CYP4F8: variants seen among roughly 807,000 people sequenced by gnomAD.
The protein encoded by CYP4F8 is cytochrome P450 4F8.
In CYP4F8, 56 loss-of-function variants were observed where a neutral mutation model predicts 55.0. That is an observed-to-expected ratio of 1.02 (90% confidence interval 0.82 to 1.27). CYP4F8 has a LOEUF of 1.27. Ranked by LOEUF, CYP4F8 falls within the 50% of genes most tolerant of loss-of-function variation. The pLI is 0.00. For missense variants in CYP4F8, 680 were observed against 682.4 expected, an observed-to-expected ratio of 1.00 and a Z score of 0.04; for synonymous variants, 288 against 267.3, an observed-to-expected ratio of 1.08 and a Z score of -0.76.
chr19:15,625,712 T>C (rs911200887), intron 9 of CYP4F8, among the ~76,000 whole-genome samples: 18 of 152,204 alleles, frequency 1.2e-4, no homozygotes, highest in Admixed American at 8.5e-4. Context: ...CTTTTGAAAA[T>C]GTTAATTAAT....
Position 15,623,099 on chromosome 19 carries a change from C to G in CYP4F8, c.648-6C>G. ...GCTGCTTCCTCTCTCTGGACTGGCC[C>G]TGCAGGAAGCCCAGTGAATATATTA... is the stretch of plus-strand genomic sequence containing the variant. On this transcript the variant is annotated splice_region_variant and splice_polypyrimidine_tract_variant and intron_variant, in intron 6 of 12. Coordinates refer to ENST00000612078, the MANE Select transcript of CYP4F8 (RefSeq NM_007253.4). 6.2e-7 allele frequency: 1 copy of G among 1,612,034 alleles called. No homozygotes were observed.
chr19:15,623,585 T>A, intron 7 of CYP4F8, 114 bp from the exon 8 acceptor site: 2 of 1,310,446 alleles, frequency 1.5e-6, no homozygotes, highest in Non-Finnish European at 2.1e-6. Context: ...CATGTGGGGG[T>A]AGATCTGGAG....
rs1972165105 is a variant in CYP4F8, at chr19:15,619,476, C to T, written c.344-14C>T. 6 of 1,614,050 alleles carry T rather than the reference C, an allele frequency of 3.7e-6. No individual in the cohort carries two copies. The highest frequency in any genetic ancestry group is 4.2e-6 in the Non-Finnish European group (5 of 1,179,934). ...TTCCTCTCCATGGACCCTGATGGTCCTCATTCATGTCAGATGCCATTACAG... is the reference window on the plus strand; with the variant it reads ...TTCCTCTCCATGGACCCTGATGGTCTTCATTCATGTCAGATGCCATTACAG... On this transcript the variant is annotated splice_polypyrimidine_tract_variant and intron_variant, in intron 3 of 12. Transcript: ENST00000612078.
Position 15,622,384 on chromosome 19 carries a change from GT to G in CYP4F8, c.647+45del, listed in dbSNP as rs773685012. 342 of 1,590,222 alleles carry G rather than the reference GT, an allele frequency of 2.2e-4. 67 individuals are homozygous for G. Among genetic ancestry groups the G allele is most frequent in the Middle Eastern group, 4.5e-4 (2 of 4,476 alleles). On this transcript the variant is annotated intron_variant, in intron 6 of 12. Coordinates refer to ENST00000612078, the MANE Select transcript of CYP4F8 (RefSeq NM_007253.4). Reference sequence around the variant, plus strand: ...CCTGGGAACATGGGATGGAGTGGGGGTGTGGGTGTGGGGAGAGCAAAGCCCA... The same window carrying G: ...CCTGGGAACATGGGATGGAGTGGGGGGTGGGTGTGGGGAGAGCAAAGCCCA...
chr19:15,617,864 A>T, intron 2 of CYP4F8, 136 bp from the exon 3 acceptor site: 1 of 1,076,534 alleles, frequency 9.3e-7, no homozygotes, highest in African/African-American at 1.6e-5. Flanking sequence ...CTCCTTCCTC[A>T]GTTTTCCTTC....
rs1387059674 is a variant in CYP4F8 at position 15,618,038 on chromosome 19, G to A, written c.237G>A (p.Gln79=). 6.2e-7 allele frequency: 1 copy of A among 1,614,000 alleles called. No homozygotes were observed. Among genetic ancestry groups the A allele is most frequent in the Non-Finnish European group, 8.5e-7 (1 of 1,179,976 alleles). The stretch of plus-strand genomic sequence containing the variant: ...AGGAGGGCTTGAGGGTCCTGACCCA[G>A]CTGGTGGCCACCTACCCCCAGGGCT... ...PTEEGLRVLT[Q]LVATYPQGFV... is the part of the protein sequence containing the mutation. Residue 79 remains glutamine (Q), a synonymous_variant, in exon 3 of 13, where the codon CAG becomes CAA. Coordinates refer to ENST00000612078, the MANE Select transcript of CYP4F8 (RefSeq NM_007253.4).
At chr19:15,622,581 C>T (rs1972208782) in intron 6 of CYP4F8, among the ~76,000 whole-genome samples, 1 of 152,014 alleles carries the variant, frequency 6.6e-6, no homozygotes, top group Admixed American at 6.6e-5. Flanking sequence ...GTGCAACAGG[C>T]AGTTGGGAGA....
intron 8 of CYP4F8, 85 bp downstream of exon 8, chr19:15,623,850 T>A: frequency 6.3e-7 from 1 of 1,598,666 alleles, no homozygotes; most frequent in Non-Finnish European, 8.5e-7. Flanking sequence ...ATCACTTCAT[T>A]CTGCCCAACC....
chr19:15,618,051 T>C lies in CYP4F8; in HGVS notation c.250T>C (p.Tyr84His). 6.2e-7 allele frequency: 1 copy of C among 1,614,142 alleles called. No homozygotes were observed. The highest frequency in any genetic ancestry group is 8.5e-7 in the Non-Finnish European group (1 of 1,179,992). ...LRVLTQLVAT[Y>H]PQGFVRWLGP... is the part of the protein sequence containing the mutation. ...GGTCCTGACCCAGCTGGTGGCCACC[T>C]ACCCCCAGGGCTTTGTGAGGTGGTT... The change falls in exon 3 of 13, where the codon TAC (tyrosine) becomes CAC (histidine). Residue 84 changes from tyrosine (Y) to histidine (H), a missense_variant. Transcript: ENST00000612078.
rs2056822 is a variant in CYP4F8, at chr19:15,628,787, A to C, written c.1341A>C (p.Pro447=). 1,181,128 of 1,608,886 alleles carry C rather than the reference A, an allele frequency of 0.73. 434,608 individuals are homozygous for C. The highest frequency in any genetic ancestry group is 0.79 in the Admixed American group (46,332 of 58,922). ...PEVYDPFRFD[P]ENAQKRSPMA... ...TCTATGACCCCTTCCGCTTCGACCC[A>C]GAAAACGCCCAGAAGAGGTCACCTA... Residue 447 remains proline, a synonymous_variant, in exon 12 of 13, where the codon CCA becomes CCC. Coordinates refer to ENST00000612078, the MANE Select transcript of CYP4F8 (RefSeq NM_007253.4).
intron 2 of CYP4F8, among the ~76,000 whole-genome samples, 168 bp from the exon 3 acceptor site, chr19:15,617,832 C>A (rs182137317): frequency 6.6e-6 from 1 of 152,334 alleles, no homozygotes; most frequent in East Asian, 1.9e-4. Flanking sequence ...ATGATGCCCA[C>A]ACAGACTGGG....
chr19:15,629,716 A>G lies in CYP4F8; in HGVS notation c.*358A>G, dbSNP rs1972312143. Reference sequence around the variant, plus strand: ...AGCTAGGTGCATAGCAGCCTGAAATACAGATCACATTTGAAAGCCTTTCTT... The same window carrying G: ...AGCTAGGTGCATAGCAGCCTGAAATGCAGATCACATTTGAAAGCCTTTCTT... On this transcript the variant is annotated 3_prime_UTR_variant, in exon 13 of 13. Coordinates refer to ENST00000612078, the MANE Select transcript of CYP4F8 (RefSeq NM_007253.4). The G allele has an allele frequency of 5.1e-6, 1 of 197,934 alleles. No individual in the cohort carries two copies. Among genetic ancestry groups the G allele is most frequent in the Non-Finnish European group, 1.0e-5 (1 of 97,412 alleles). The allele number at this position is 197,934 out of a possible 1,614,324, so 12.3% of individuals were successfully genotyped here.
chr19:15,618,680 C>T (rs935796299), intron 3 of CYP4F8: 2 of 254,630 alleles, frequency 7.9e-6, no homozygotes, highest in Non-Finnish European at 1.5e-5. Context: ...TGTCCTTCTG[C>T]AGGCCCAGAG....
At position 15,619,668 on chromosome 19, in the gene CYP4F8, G is replaced by A. The variant is rs1972168280; in HGVS notation, c.431G>A (p.Trp144Ter). ...DGLLLSVGDK[W>*]RHHRRLLTPA... ...CTCTTGTTAAGTGTTGGTGACAAGT[G>A]GAGACACCACCGTCGCTTGCTGACG... Residue 144 changes from tryptophan to a stop codon, truncating the protein, a stop_gained, in exon 5 of 13, where the codon TGG (tryptophan) becomes TAG (stop). Coordinates refer to ENST00000612078, the MANE Select transcript of CYP4F8 (RefSeq NM_007253.4). LOFTEE classifies it high-confidence loss of function. 1 of 1,614,100 alleles carries A rather than the reference G, an allele frequency of 6.2e-7. No homozygotes were observed. The highest frequency in any genetic ancestry group is 1.3e-5 in the African/African-American group (1 of 74,950).
chr19:15,620,968 C>G (rs760755841), intron 5 of CYP4F8, among the ~76,000 whole-genome samples: 8 of 152,136 alleles, frequency 5.3e-5, no homozygotes, highest in Admixed American at 2.6e-4. Context: ...ACTTCTGGGT[C>G]AAAGACAAAA....
Position 15,629,386 on chromosome 19 carries a change from T to G in CYP4F8, c.*28T>G. 1 of 1,574,532 alleles carries G rather than the reference T, an allele frequency of 6.4e-7. No homozygotes were observed. The highest frequency in any genetic ancestry group is 8.6e-7 in the Non-Finnish European group (1 of 1,160,158). ...CCTGCAGTGACCCACCCACCTACCT[T>G]TGCATCACCTACCTTTGCACCAACT... is the stretch of plus-strand genomic sequence containing the variant. On this transcript the variant is annotated 3_prime_UTR_variant, in exon 13 of 13. Transcript: ENST00000612078.
intron 2 of CYP4F8, among the ~76,000 whole-genome samples, chr19:15,617,483 CATCT>C (rs71176449): frequency 0.12 from 17,934 of 149,568 alleles, 1,058 homozygotes; most frequent in East Asian, 0.15. Flanking sequence ...TCAATATCTA[CATCT>C]ATCTATCTAT....
intron 9 of CYP4F8, among the ~76,000 whole-genome samples, chr19:15,626,400 C>T (rs569286294): frequency 1.3e-5 from 2 of 152,318 alleles, no homozygotes; most frequent in East Asian, 1.9e-4. Context: ...ATTCTAGCCT[C>T]GAATAGATGT....
rs1250135758 is a variant in CYP4F8 at position 15,628,353 on chromosome 19, G to A, written c.1167G>A (p.Leu389=). ...TGACCATGTGCCTGAAGGAGAGCCT[G>A]CGGTTGCATCCCCCAATCCCTACAT... ...PFLTMCLKES[L]RLHPPIPTFA... is the part of the protein sequence containing the mutation. Residue 389 remains leucine (L), a synonymous_variant, in exon 10 of 13, where the codon CTG becomes CTA. Coordinates refer to ENST00000612078, the MANE Select transcript of CYP4F8 (RefSeq NM_007253.4). 1 of 1,614,086 alleles carries A rather than the reference G, an allele frequency of 6.2e-7. No individual in the cohort carries two copies. The highest frequency in any genetic ancestry group is 8.5e-7 in the Non-Finnish European group (1 of 1,180,024).
Sources: allele counts gnomAD v4.1 joint callset (sites outside exome capture counted in the v4.1 genomes callset), GRCh38; gene constraint gnomAD v4.1.1; transcripts MANE v1.5; gene names NCBI Gene and HGNC (gene_info 2026-07-23, HGNC 2026-07-21).